The following ELOVL6 variants were observed in gnomAD, a reference collection of about 807,000 sequenced individuals.
The protein encoded by ELOVL6 is ELOVL fatty acid elongase 6, also known as very long chain fatty acid elongase 6.
In ELOVL6, 8 loss-of-function variants were observed where a neutral mutation model predicts 31.7. The ratio of observed to expected loss-of-function variants is 0.25; its 90% CI spans 0.15 to 0.45. The LOEUF (loss-of-function observed/expected upper bound fraction) is 0.45. Ranked by LOEUF, ELOVL6 falls within the 20% of genes least tolerant of loss-of-function variation. ELOVL6 has a pLI of 1.00. For missense variants in ELOVL6, 126 were observed against 326.4 expected, an observed-to-expected ratio of 0.39 and a Z score of 4.73; for synonymous variants, 101 against 117.7, an observed-to-expected ratio of 0.86 and a Z score of 0.92.
chr4:110,111,329 T>C (rs1757028217), intron 1 of ELOVL6, among the ~76,000 whole-genome samples: 1 of 149,844 alleles, frequency 6.7e-6, no homozygotes, highest in South Asian at 2.1e-4. Context: ...ATCGGCAGGT[T>C]ATCAATTCCC....
At chr4:110,184,903 C>T (rs1247445102) in intron 1 of ELOVL6, among the ~76,000 whole-genome samples, 2 of 152,176 alleles carry the variant, frequency 1.3e-5, no homozygotes, top group Non-Finnish European at 2.9e-5. Context: ...GTGCTTCTCC[C>T]TAGGGCAAGT....
intron 1 of ELOVL6, among the ~76,000 whole-genome samples, chr4:110,192,978 GATGAA>G (rs1039709027): frequency 2.1e-4 from 32 of 152,164 alleles, no homozygotes; most frequent in African/African-American, 7.0e-4. Flanking sequence ...CAATGTTAAT[GATGAA>G]ATGAAACTCT....
chr4:110,072,767 A>G, intron 2 of ELOVL6, among the ~76,000 whole-genome samples: 1 of 152,120 alleles, frequency 6.6e-6, no homozygotes, highest in East Asian at 1.9e-4. Flanking sequence ...ACATTTGAGA[A>G]TCTCCAAATG....
chr4:110,109,794 T>C (rs1253539278), intron 1 of ELOVL6, among the ~76,000 whole-genome samples: 1 of 152,176 alleles, frequency 6.6e-6, no homozygotes, highest in Non-Finnish European at 1.5e-5. Flanking sequence ...AATGAAGAAA[T>C]GTTTATGTGG....
chr4:110,113,557 A>C (rs1480040749), intron 1 of ELOVL6, among the ~76,000 whole-genome samples: 1 of 152,214 alleles, frequency 6.6e-6, no homozygotes, highest in Non-Finnish European at 1.5e-5. Flanking sequence ...AGCCTGGGCG[A>C]CAGAGTGAGA....
At chr4:110,129,926 G>T in intron 1 of ELOVL6, among the ~76,000 whole-genome samples, 1 of 122,896 alleles carries the variant, frequency 8.1e-6, no homozygotes, top group South Asian at 2.5e-4. Flanking sequence ...GTGAGACAGA[G>T]TGTTGCTCTG....
chr4:110,078,236 G>C (rs550371605), intron 2 of ELOVL6, among the ~76,000 whole-genome samples: 1 of 152,222 alleles, frequency 6.6e-6, no homozygotes, highest in African/African-American at 2.4e-5. Context: ...GAAATACAGA[G>C]AACGCCACAA....
intron 2 of ELOVL6, among the ~76,000 whole-genome samples, chr4:110,084,394 G>GATATATCAC (rs1202116032): frequency 1.9e-4 from 8 of 41,160 alleles, no homozygotes; most frequent in South Asian, 1.7e-3. Flanking sequence ...TCGCATATAT[G>GATATATCAC]ATATATGATA....
intron 2 of ELOVL6, among the ~76,000 whole-genome samples, chr4:110,070,137 G>T (rs1193882665): frequency 6.6e-6 from 1 of 152,132 alleles, no homozygotes; most frequent in East Asian, 1.9e-4. Context: ...ACTCAACTAT[G>T]GAAGAGATGC....
rs191761239 is a variant in ELOVL6 at position 110,090,810 on chromosome 4, G to C, written c.221+14687C>G. ...AGCAGAGATGGGGTTTCGCCATGTTGGCCAGGATGGTCTCAATCTCCTGAC... is the reference window on the plus strand; with the variant it reads ...AGCAGAGATGGGGTTTCGCCATGTTCGCCAGGATGGTCTCAATCTCCTGAC... On this transcript the variant is annotated intron_variant, in intron 2 of 3. Transcript: ENST00000302274. 2.0e-4 allele frequency among the ~76,000 whole-genome samples: 31 copies of C among 151,924 alleles called. No individual in the cohort carries two copies. The East Asian group carries it at 5.4e-3, about 27-fold the overall frequency.
At chr4:110,150,127 G>C (rs1758240878) in intron 1 of ELOVL6, among the ~76,000 whole-genome samples, 1 of 152,020 alleles carries the variant, frequency 6.6e-6, no homozygotes, top group African/African-American at 2.4e-5. Context: ...GCCCAGGCTG[G>C]TCCTGAACTC....
chr4:110,142,870 A>G (rs1324296705), intron 1 of ELOVL6, among the ~76,000 whole-genome samples: 1 of 152,150 alleles, frequency 6.6e-6, no homozygotes, highest in African/African-American at 2.4e-5. Flanking sequence ...TTACCTTCTC[A>G]AGAAGTTATT....
intron 1 of ELOVL6, among the ~76,000 whole-genome samples, chr4:110,129,021 A>C (rs574575343): frequency 6.6e-6 from 1 of 152,378 alleles, no homozygotes; most frequent in South Asian, 2.1e-4. Context: ...ACCAACCTAC[A>C]CATTCAGTAC....
intron 1 of ELOVL6, among the ~76,000 whole-genome samples, chr4:110,110,510 C>T (rs1281094103): frequency 3.3e-5 from 5 of 149,462 alleles, no homozygotes; most frequent in Admixed American, 6.8e-5. Context: ...AGGGCTCAAG[C>T]GATCTTCCCA....
intron 1 of ELOVL6, among the ~76,000 whole-genome samples, chr4:110,176,056 C>G (rs1447653202): frequency 6.7e-6 from 1 of 148,496 alleles, no homozygotes; most frequent in African/African-American, 2.5e-5. Context: ...AAAAAAAGAA[C>G]AAGAAAGTAT....
At chr4:110,165,927 G>A (rs80255596) in intron 1 of ELOVL6, among the ~76,000 whole-genome samples, 6,178 of 152,128 alleles carry the variant, frequency 0.041, 426 homozygotes, top group African/African-American at 0.14. Flanking sequence ...TCTTTTCCAC[G>A]TAAGAAAACC....
chr4:110,054,248 T>C (rs1292046836), intron 3 of ELOVL6, among the ~76,000 whole-genome samples: 1 of 152,238 alleles, frequency 6.6e-6, no homozygotes, highest in Non-Finnish European at 1.5e-5. Context: ...AGACTGATAA[T>C]GATGGATGAT....
intron 1 of ELOVL6, among the ~76,000 whole-genome samples, chr4:110,142,078 T>C (rs1370772611): frequency 2.9e-5 from 4 of 139,192 alleles, no homozygotes; most frequent in Non-Finnish European, 4.6e-5. Context: ...TTTTTTTTTT[T>C]TTTTTTTTTT....
chr4:110,122,185 C>G (rs1460607387), intron 1 of ELOVL6, among the ~76,000 whole-genome samples: 1 of 152,078 alleles, frequency 6.6e-6, no homozygotes, highest in Non-Finnish European at 1.5e-5. Context: ...CACAAGTGTG[C>G]AAGACTATAT....
Sources: gnomAD v4.1 joint callset for allele counts (sites outside exome capture counted in the v4.1 genomes callset) on GRCh38, gnomAD v4.1.1 for gene constraint, MANE v1.5 for transcripts, NCBI Gene and HGNC (gene_info 2026-07-23, HGNC 2026-07-21) for gene names.